Variants in COX16 observed in about 807,000 individuals in gnomAD.
COX16 encodes cytochrome c oxidase assembly factor COX16.
COX16 carries 12 observed loss-of-function variants against 15.4 expected under a neutral mutation model. That is an observed-to-expected ratio of 0.78 (90% CI 0.50 to 1.26). The LOEUF (loss-of-function observed/expected upper bound fraction) is 1.26. COX16 is among the 50% of genes most tolerant of loss of function. COX16 has a pLI of 0.00. For missense variants in COX16, 124 were observed against 127.6 expected (o/e 0.97, Z 0.14); for synonymous variants, 46 against 41.1 (o/e 1.12, Z -0.46).
chr14:70,357,173 A>C (rs1288203619), intron 1 of COX16, among the ~76,000 whole-genome samples: 6 of 146,560 alleles, frequency 4.1e-5, no homozygotes, highest in Admixed American at 1.4e-4. Context: ...AAAAAAAAAA[A>C]AAAAAAAAAA....
At chr14:70,339,992 T>C (rs1230224928) in intron 2 of COX16, among the ~76,000 whole-genome samples, 2 of 152,232 alleles carry the variant, frequency 1.3e-5, no homozygotes, top group Non-Finnish European at 2.9e-5. Flanking sequence ...TTCCGTTTAC[T>C]TTGACTCCAT....
chr14:70,359,248 C>T (rs1302221588), intron 1 of COX16: 1 of 566,662 alleles, frequency 1.8e-6, no homozygotes, highest in South Asian at 1.5e-5. Context: ...ACAATGACCG[C>T]GTTCGACGAT....
chr14:70,348,855 G>T (rs896129195), intron 1 of COX16, among the ~76,000 whole-genome samples: 7 of 152,136 alleles, frequency 4.6e-5, no homozygotes, highest in Non-Finnish European at 1.0e-4. Context: ...CATTGCAGGG[G>T]CCACCAAACC....
intron 1 of COX16, chr14:70,359,210 T>C: frequency 2.0e-6 from 1 of 503,676 alleles, no homozygotes; most frequent in South Asian, 1.5e-5. Flanking sequence ...TGAGCTTCAA[T>C]TTACTTAACT....
intron 1 of COX16, among the ~76,000 whole-genome samples, chr14:70,354,301 C>T (rs7152724): frequency 2.4e-4 from 36 of 152,226 alleles, no homozygotes; most frequent in African/African-American, 8.4e-4. Flanking sequence ...GATTTGTATA[C>T]GCAAAATAAC....
chr14:70,354,972 T>TTCATCAATTCTCTCCTTTCCTGTA (rs1437713416), intron 1 of COX16, among the ~76,000 whole-genome samples: 6 of 152,126 alleles, frequency 3.9e-5, no homozygotes, highest in African/African-American at 1.4e-4. Flanking sequence ...AGGACACTGA[T>TTCATCAATTCTCTCCTTTCCTGTA]TCATCAATTC....
At chr14:70,332,118 G>A (rs565766099) in intron 2 of COX16, among the ~76,000 whole-genome samples, 1 of 152,342 alleles carries the variant, frequency 6.6e-6, no homozygotes, top group East Asian at 1.9e-4. Context: ...GCTGCCAAGA[G>A]GTCCAGAAGG....
chr14:70,345,903 G>A (rs1046651128), intron 1 of COX16, among the ~76,000 whole-genome samples: 5 of 151,336 alleles, frequency 3.3e-5, no homozygotes, highest in Admixed American at 2.0e-4. Context: ...AACCCCCCAA[G>A]CCTCCTCGTT....
chr14:70,340,349 C>A (rs1886588610), intron 2 of COX16, among the ~76,000 whole-genome samples: 1 of 152,178 alleles, frequency 6.6e-6, no homozygotes, highest in Non-Finnish European at 1.5e-5. Context: ...AATTAAACCT[C>A]TTTTCTGTAT....
intron 1 of COX16, among the ~76,000 whole-genome samples, chr14:70,356,395 C>G (rs887672260): frequency 4.6e-4 from 70 of 152,116 alleles, no homozygotes; most frequent in Non-Finnish European, 1.0e-4. Flanking sequence ...CAATAATGCC[C>G]ACTCACCTAC....
intron 2 of COX16, among the ~76,000 whole-genome samples, chr14:70,331,174 AT>A (rs1431779244): frequency 6.6e-6 from 1 of 152,016 alleles, no homozygotes. Context: ...CGCCCGGCTA[AT>A]TTTTTGTATT....
intron 3 of COX16, among the ~76,000 whole-genome samples, 179 bp downstream of exon 3, chr14:70,328,995 T>G (rs17566073): frequency 0.071 from 10,843 of 152,116 alleles, 555 homozygotes; most frequent in Non-Finnish European, 0.11. Flanking sequence ...CATCTGGAAT[T>G]TATTTATTTG....
At chr14:70,347,289 A>AC (rs1886812400) in intron 1 of COX16, among the ~76,000 whole-genome samples, 1 of 152,150 alleles carries the variant, frequency 6.6e-6, no homozygotes, top group South Asian at 2.1e-4. Flanking sequence ...AGGCTCATTA[A>AC]CCAAGCTGTA....
intron 1 of COX16, among the ~76,000 whole-genome samples, chr14:70,344,082 A>G (rs190376416): frequency 3.3e-5 from 5 of 152,230 alleles, no homozygotes; most frequent in African/African-American, 4.8e-5. Context: ...GAACTGGTTG[A>G]GCCCAATTAC....
At position 70,326,334 on chromosome 14, in the gene COX16, C is replaced by A. The variant is rs1420094281; in HGVS notation, c.320G>T (p.Ter107LeuextTer3). The A allele has an allele frequency of 1.4e-6, 2 of 1,480,476 alleles. No homozygotes were observed. The highest frequency in any genetic ancestry group is 9.0e-7 in the Non-Finnish European group (1 of 1,116,532). The allele number at this position is 1,480,476 out of a possible 1,614,324, so 91.7% of individuals were successfully genotyped here. Reference sequence around the variant, plus strand: ...AAAAGGAAAAAAGAATCAGCAGAGTCAAGTTGTCTTAGTCTTAAGGCTTTC... The same window carrying A: ...AAAAGGAAAAAAGAATCAGCAGAGTAAAGTTGTCTTAGTCTTAAGGCTTTC... ...NPESLKTKTT[*>L] The change falls in exon 4 of 4, where the codon TGA becomes TTA. Residue 107 changes from the stop codon to leucine, a stop_lost. Transcript: ENST00000389912.
intron 1 of COX16, among the ~76,000 whole-genome samples, chr14:70,347,380 A>AT (rs1886815418): frequency 6.6e-6 from 1 of 152,160 alleles, no homozygotes; most frequent in Non-Finnish European, 1.5e-5. Context: ...TTCCTGTTCT[A>AT]TACCTAAAGG....
intron 2 of COX16, among the ~76,000 whole-genome samples, chr14:70,330,377 T>TGA (rs1886244591): frequency 1.3e-5 from 2 of 152,192 alleles, no homozygotes; most frequent in Non-Finnish European, 2.9e-5. Flanking sequence ...ATTAAATCTA[T>TGA]AATGAATAAC....
At position 70,352,962 on chromosome 14, in the gene COX16, C is replaced by T. The variant is rs898319261; in HGVS notation, c.69+6557G>A. 2.4e-4 allele frequency among the ~76,000 whole-genome samples: 37 copies of T among 152,140 alleles called. 1 individual carries two copies. Among genetic ancestry groups the T allele is most frequent in the Admixed American group, 1.6e-3 (25 of 15,278 alleles). On this transcript the variant is annotated intron_variant, in intron 1 of 3. Transcript: ENST00000389912. ...TTAAAAGATCCCCAAGTTGTCATTG[C>T]TACTTTATCATGTCATCCAAAAATC...
At chr14:70,350,392 C>A (rs1886916764) in intron 1 of COX16, among the ~76,000 whole-genome samples, 2 of 152,104 alleles carry the variant, frequency 1.3e-5, no homozygotes, top group Non-Finnish European at 2.9e-5. Context: ...CCGCCTGCAC[C>A]CAGGCGCTCA....
Sources: gnomAD v4.1 joint callset for allele counts (sites outside exome capture counted in the v4.1 genomes callset) on GRCh38, gnomAD v4.1.1 for gene constraint, MANE v1.5 for transcripts, NCBI Gene and HGNC (gene_info 2026-07-23, HGNC 2026-07-21) for gene names.